PAK3: variants seen among roughly 807,000 people sequenced by gnomAD.
PAK3 encodes p21 (RAC1) activated kinase 3.
A neutral mutation model predicts 41.0 loss-of-function variants in PAK3; 4 were observed. That is an observed-to-expected ratio of 0.10 (90% CI 0.05 to 0.22). PAK3 has a LOEUF of 0.22. Among genes scored for constraint, PAK3 ranks in the 10% least tolerant of loss-of-function variants. The pLI is 1.00. For synonymous variants in PAK3, 146 were observed against 139.6 expected, an observed-to-expected ratio of 1.05 and a Z score of -0.32; for missense variants, 205 against 409.9, an observed-to-expected ratio of 0.50 and a Z score of 4.32.
chrX:111,124,929 C>T (rs1471621672), intron 5 of PAK3, among the ~76,000 whole-genome samples: 1 of 111,838 alleles, frequency 8.9e-6, no homozygotes, highest in African/African-American at 3.2e-5. Flanking sequence ...CTATTTGGTG[C>T]TTCAGGTACA....
chrX:111,004,549 A>C (rs973719927), intron 1 of PAK3, among the ~76,000 whole-genome samples: 2 of 112,577 alleles, frequency 1.8e-5, no homozygotes, highest in East Asian at 2.8e-4. Flanking sequence ...GCTCGAGTGA[A>C]GCTATGTGAA....
intron 4 of PAK3, among the ~76,000 whole-genome samples, chrX:111,111,848 A>C (rs1287315049): frequency 1.8e-5 from 2 of 111,519 alleles, no homozygotes; most frequent in Non-Finnish European, 3.8e-5. Context: ...TGGGGTCCTG[A>C]GAACAGTTAA....
At chrX:111,144,741 A>T (rs2093920479) in intron 6 of PAK3, 6 of 397,461 alleles carry the variant, frequency 1.5e-5, no homozygotes, top group Non-Finnish European at 2.7e-5. Flanking sequence ...ATGACCTTGT[A>T]TACCTGGTCA....
At chrX:111,099,100 C>T (rs2093071005) in intron 3 of PAK3, among the ~76,000 whole-genome samples, 1 of 112,376 alleles carries the variant, frequency 8.9e-6, no homozygotes, top group Non-Finnish European at 1.9e-5. Flanking sequence ...AATAGCCACA[C>T]ATTTAAAATC....
chrX:111,154,163 A>G (rs776302006), intron 8 of PAK3, among the ~76,000 whole-genome samples: 4 of 111,566 alleles, frequency 3.6e-5, no homozygotes, highest in South Asian at 7.6e-4. Flanking sequence ...GCAGTTGTTT[A>G]ATGGGTACAG....
At chrX:111,210,166 C>G (rs903838227) in intron 16 of PAK3, among the ~76,000 whole-genome samples, 1 of 111,631 alleles carries the variant, frequency 9.0e-6, no homozygotes, top group Non-Finnish European at 1.9e-5. Flanking sequence ...AAATAAGGTC[C>G]GTAGGTTATG....
At chrX:111,187,040 C>A (rs1360179703) in intron 11 of PAK3, among the ~76,000 whole-genome samples, 2 of 110,999 alleles carry the variant, frequency 1.8e-5, no homozygotes, top group Non-Finnish European at 3.8e-5. Context: ...TCTTTGTAAA[C>A]CCTGGGTTAT....
In PAK3 at chrX:111,220,698, A is replaced by T; in HGVS notation, c.*251A>T. The T allele has an allele frequency of 2.6e-6, 1 of 387,799 alleles. No individual in the cohort carries two copies. Among genetic ancestry groups the T allele is most frequent in the East Asian group, 4.3e-5 (1 of 23,298 alleles). The allele number at this position is 387,799 out of a possible 1,213,427, so 32.0% of individuals were successfully genotyped here. A position where few individuals can be genotyped will look rare whatever the true frequency, so the allele number is the denominator to read the frequency against. On this transcript the variant is annotated 3_prime_UTR_variant, in exon 18 of 18. Transcript: ENST00000372007. ...AGTGGTCACTTCCACCGTGAAGCGA[A>T]AGAGCCAGTAGTGAATCCCCTCATT...
At chrX:111,116,870 T>G (rs2093474021) in intron 4 of PAK3, among the ~76,000 whole-genome samples, 1 of 112,468 alleles carries the variant, frequency 8.9e-6, no homozygotes. Context: ...AAAGAGCTAG[T>G]GCCTCTCTTT....
At chrX:110,979,403 A>T (rs1414243098) in intron 1 of PAK3, among the ~76,000 whole-genome samples, 8 of 98,773 alleles carry the variant, frequency 8.1e-5, no homozygotes, top group Non-Finnish European at 7.9e-5. Flanking sequence ...GGTTCATGCC[A>T]TTCTTCTGCC....
intron 8 of PAK3, among the ~76,000 whole-genome samples, chrX:111,160,565 A>G (rs1205776254): frequency 1.8e-5 from 2 of 108,906 alleles, no homozygotes; most frequent in Non-Finnish European, 3.8e-5. Flanking sequence ...TGCTGCACCC[A>G]TTAACTCATC....
intron 1 of PAK3, among the ~76,000 whole-genome samples, chrX:110,977,468 T>G (rs1426980159): frequency 9.0e-6 from 1 of 111,360 alleles, no homozygotes; most frequent in Non-Finnish European, 1.9e-5. Flanking sequence ...GGGATTTTGT[T>G]GAATCTATAG....
At chrX:111,181,081 C>T (rs1334396410) in intron 11 of PAK3, among the ~76,000 whole-genome samples, 1 of 110,786 alleles carries the variant, frequency 9.0e-6, no homozygotes. Flanking sequence ...GGATTATAGT[C>T]GTATAATAAA....
chrX:111,148,459 C>A (rs1603302395), intron 7 of PAK3, among the ~76,000 whole-genome samples: 1 of 111,611 alleles, frequency 9.0e-6, no homozygotes, highest in Non-Finnish European at 1.9e-5. Context: ...CTTTGATGTT[C>A]AAATTTGCAC....
At chrX:111,087,204 C>A (rs1005838349) in intron 1 of PAK3, among the ~76,000 whole-genome samples, 8 of 108,721 alleles carry the variant, frequency 7.4e-5, no homozygotes, top group Non-Finnish European at 1.1e-4. Flanking sequence ...GGTGGTGAAC[C>A]ACTTTTTAAA....
At chrX:111,095,683 C>T (rs975272006), upstream of PAK3, among the ~76,000 whole-genome samples, 1 of 111,864 alleles carries the variant, frequency 8.9e-6, no homozygotes, top group Non-Finnish European at 1.9e-5. Flanking sequence ...CTTTGAATTC[C>T]ACTGCCACAT....
rs770110348 is a variant in PAK3, at chrX:110,991,937, T to A, written c.-28+47309T>A. ...TGTATTTAAGGAATTTATAGCCCAA[T>A]AGAGGTAGTATGGAAAACAAAATAA... On this transcript the variant is annotated intron_variant, in intron 1 of 14. Coordinates refer to the PAK3 transcript ENST00000425146. Among the ~76,000 whole-genome samples, 9 of 110,996 alleles carry A rather than the reference T, an allele frequency of 8.1e-5. No homozygotes were observed. The South Asian group carries it at 3.1e-3, about 38-fold the overall frequency.
intron 1 of PAK3, among the ~76,000 whole-genome samples, chrX:111,069,180 C>T (rs1351938623): frequency 1.8e-5 from 2 of 111,968 alleles, no homozygotes; most frequent in African/African-American, 6.5e-5. Context: ...CCCCTCTTCA[C>T]GTTTGGAAAG....
At position 111,222,950 on chromosome X, in the gene PAK3, A is replaced by G. The variant is rs776586782; in HGVS notation, c.*2503A>G. On this transcript the variant is annotated 3_prime_UTR_variant, in exon 18 of 18. Coordinates refer to ENST00000372007, the MANE Select transcript of PAK3 (RefSeq NM_002578.5). ...GGAGGCATTACTTTTATAAATTTGT[A>G]TTCATGTAAATTTTCAAATGAGAAC... 1 of 111,606 alleles carries G rather than the reference A, an allele frequency of 9.0e-6. No homozygotes were observed. The highest frequency in any genetic ancestry group is 3.8e-4 in the South Asian group (1 of 2,604). 9.2% of individuals were successfully genotyped at this position (111,606 alleles called of 1,213,427 possible).
Sources: gnomAD v4.1 joint callset for allele counts (sites outside exome capture counted in the v4.1 genomes callset) on GRCh38, gnomAD v4.1.1 for gene constraint, MANE v1.5 for transcripts, NCBI Gene and HGNC (gene_info 2026-07-23, HGNC 2026-07-21) for gene names.